Variants in POPDC1 observed in about 807,000 individuals in gnomAD.
The protein encoded by POPDC1 is popeye domain cAMP effector 1, also known as popeye domain-containing protein 1.
chr6:105,118,381 A>G, the POPDC1 span, among the ~76,000 whole-genome samples: 1 of 152,246 alleles, frequency 6.6e-6, no homozygotes, highest in Non-Finnish European at 1.5e-5. Flanking sequence ...TTTATTTATT[A>G]TATCAAAAGT....
At chr6:105,115,543 A>T in the POPDC1 span, 17 of 1,058,690 alleles carry the variant, frequency 1.6e-5, no homozygotes, top group Non-Finnish European at 2.3e-5. Flanking sequence ...GCTAAACAAA[A>T]TTTGATTGTT....
the POPDC1 span, among the ~76,000 whole-genome samples, chr6:105,131,423 G>C: frequency 6.6e-6 from 1 of 151,672 alleles, no homozygotes; most frequent in Non-Finnish European, 1.5e-5. Context: ...ACTTGTCTAG[G>C]TTTCACTTTT....
chr6:105,127,809 G>T, the POPDC1 span, among the ~76,000 whole-genome samples: 16 of 151,856 alleles, frequency 1.1e-4, no homozygotes, highest in East Asian at 2.5e-3. Context: ...CACCCAGGCT[G>T]GAGTACAGTG....
the POPDC1 span, chr6:105,101,254 T>C: frequency 6.4e-7 from 1 of 1,571,762 alleles, no homozygotes; most frequent in African/African-American, 1.4e-5. Flanking sequence ...GAATGCACAA[T>C]CTACCCAGAC....
the POPDC1 span, among the ~76,000 whole-genome samples, chr6:105,110,553 G>A: frequency 6.6e-6 from 1 of 152,134 alleles, no homozygotes; most frequent in Non-Finnish European, 1.5e-5. Context: ...GTCTTTCCAG[G>A]TAAATAAATA....
At chr6:105,118,563 G>C in the POPDC1 span, among the ~76,000 whole-genome samples, 1 of 152,276 alleles carries the variant, frequency 6.6e-6, no homozygotes, top group Non-Finnish European at 1.5e-5. Context: ...CAAGATGCTT[G>C]CCCCATGAAG....
the POPDC1 span, among the ~76,000 whole-genome samples, chr6:105,109,996 A>G: frequency 1.3e-5 from 2 of 152,054 alleles, no homozygotes; most frequent in Admixed American, 1.3e-4. Context: ...AAAATGTACA[A>G]CTGTATAAAA....
chr6:105,131,369 G>A, the POPDC1 span, among the ~76,000 whole-genome samples: 1 of 152,156 alleles, frequency 6.6e-6, no homozygotes, highest in South Asian at 2.1e-4. Flanking sequence ...TATAGTCCTG[G>A]TTTGGCCATT....
the POPDC1 span, chr6:105,125,335 AGGCCAT>A: frequency 6.4e-7 from 1 of 1,568,142 alleles, no homozygotes; most frequent in East Asian, 2.2e-5. Flanking sequence ...TCCTTCCCAG[AGGCCAT>A]GAAAAGATTA....
At chr6:105,104,493 G>T in the POPDC1 span, among the ~76,000 whole-genome samples, 2 of 152,110 alleles carry the variant, frequency 1.3e-5, no homozygotes, top group Non-Finnish European at 2.9e-5. Context: ...AGGCCACATA[G>T]GGAACCTCAG....
chr6:105,110,961 T>C, the POPDC1 span, among the ~76,000 whole-genome samples: 1 of 152,212 alleles, frequency 6.6e-6, no homozygotes. Context: ...GCTGGGATTA[T>C]AGGTGTAAGC....
the POPDC1 span, among the ~76,000 whole-genome samples, chr6:105,104,718 G>C: frequency 4.2e-4 from 64 of 152,260 alleles, no homozygotes; most frequent in African/African-American, 1.4e-3. Flanking sequence ...TTAGGGCATG[G>C]ACAAGAACAC....
chr6:105,105,763 A>G, the POPDC1 span, among the ~76,000 whole-genome samples: 130,628 of 152,222 alleles, frequency 0.86, 57,611 homozygotes, highest in Non-Finnish European at 0.96. Flanking sequence ...ACTGATAGAT[A>G]TCAGAAATTT....
At chr6:105,106,798 C>CT in the POPDC1 span, among the ~76,000 whole-genome samples, 2 of 151,804 alleles carry the variant, frequency 1.3e-5, no homozygotes, top group Non-Finnish European at 2.9e-5. Context: ...GCCTTAAAAA[C>CT]CTTTTTTTTA....
At chr6:105,096,966 TATAA>T in the POPDC1 span, 1 of 152,692 alleles carries the variant, frequency 6.5e-6, no homozygotes, top group Non-Finnish European at 1.5e-5. Context: ...ATGAGTTTCC[TATAA>T]ATGTCTGTAT....
At chr6:105,136,165 A>AT in the POPDC1 span, 1 of 152,258 alleles carries the variant, frequency 6.6e-6, no homozygotes, top group Non-Finnish European at 1.5e-5. Context: ...TTCTAACTGA[A>AT]TCTTCGCACA....
chr6:105,122,860 G>A, the POPDC1 span, among the ~76,000 whole-genome samples: 1 of 152,318 alleles, frequency 6.6e-6, no homozygotes, highest in African/African-American at 2.4e-5. Context: ...GTCTCCTTCT[G>A]CATTGTAAGT....
At chr6:105,124,544 T>C in the POPDC1 span, 1 of 1,576,098 alleles carries the variant, frequency 6.3e-7, no homozygotes, top group South Asian at 1.1e-5. Context: ...TGTGAAAACA[T>C]ACCTGGAATT....
the POPDC1 span, among the ~76,000 whole-genome samples, chr6:105,106,971 T>A: frequency 6.6e-6 from 1 of 152,310 alleles, no homozygotes; most frequent in East Asian, 1.9e-4. Flanking sequence ...CTTACTCTTT[T>A]AGTTATTTTA....
Sources: gnomAD v4.1 joint callset for allele counts (sites outside exome capture counted in the v4.1 genomes callset) on GRCh38, gnomAD v4.1.1 for gene constraint, MANE v1.5 for transcripts, NCBI Gene and HGNC (gene_info 2026-07-23, HGNC 2026-07-21) for gene names.